Variants in TENM3 observed in about 807,000 individuals in gnomAD.
The protein encoded by TENM3 is teneurin transmembrane protein 3, also known as teneurin-3.
TENM3 carries 63 observed loss-of-function variants against 255.1 expected under a neutral mutation model. The ratio of observed to expected loss-of-function variants is 0.25; its 90% confidence interval spans 0.20 to 0.30. The LOEUF (loss-of-function observed/expected upper bound fraction) is 0.30, where lower values mean the gene tolerates loss of function less well. Among genes scored for constraint, TENM3 ranks in the 10% least tolerant of loss-of-function variants. The probability of loss-of-function intolerance (pLI) is 1.00; values close to 1 mark genes in which losing one functional copy is unlikely to be tolerated. For synonymous variants in TENM3, 1,306 were observed against 1,322.3 expected, an observed-to-expected ratio of 0.99 and a Z score of 0.27; for missense variants, 2,929 against 3,461.1, an observed-to-expected ratio of 0.85 and a Z score of 3.86.
the TENM3 span, among the ~76,000 whole-genome samples, chr4:182,124,088 G>A: frequency 4.5e-4 from 69 of 152,250 alleles, no homozygotes; most frequent in Middle Eastern, 3.4e-3. Context: ...GTCTCACTCC[G>A]TTATCCAGGC....
the TENM3 span, among the ~76,000 whole-genome samples, chr4:181,770,403 G>A: frequency 1.4e-4 from 22 of 152,212 alleles, 1 homozygote; most frequent in East Asian, 2.3e-3. Flanking sequence ...GGCCGGGCGT[G>A]GTGGCTCACG....
the TENM3 span, among the ~76,000 whole-genome samples, chr4:181,958,779 C>A: frequency 0.13 from 20,236 of 152,122 alleles, 1,420 homozygotes; most frequent in East Asian, 0.17. Flanking sequence ...AAGCCAGTGA[C>A]AGTCTCCCCT....
intron 3 of TENM3, among the ~76,000 whole-genome samples, chr4:182,386,458 C>A (rs995381110): frequency 6.6e-6 from 1 of 152,242 alleles, no homozygotes; most frequent in African/African-American, 2.4e-5. Context: ...CCCACTTTGG[C>A]GGCACTTGAG....
At chr4:182,100,824 T>C in the TENM3 span, among the ~76,000 whole-genome samples, 10 of 6,084 alleles carry the variant, frequency 1.6e-3, no homozygotes, top group South Asian at 0.02. Flanking sequence ...TATATACACA[T>C]ATATATATAT....
the TENM3 span, among the ~76,000 whole-genome samples, chr4:181,675,122 G>A: frequency 2.0e-5 from 3 of 152,026 alleles, no homozygotes; most frequent in Admixed American, 6.6e-5. Flanking sequence ...GCCTGAATCC[G>A]GGTATATTAG....
At chr4:182,282,437 TTTC>T (rs1561278065) in intron 1 of TENM3, among the ~76,000 whole-genome samples, 1 of 152,332 alleles carries the variant, frequency 6.6e-6, no homozygotes, top group East Asian at 1.9e-4. Flanking sequence ...TTTGCATTAT[TTTC>T]TTCAAGAGTA....
At chr4:182,489,697 A>G (rs560671870) in intron 3 of TENM3, among the ~76,000 whole-genome samples, 66 of 152,140 alleles carry the variant, frequency 4.3e-4, no homozygotes, top group Non-Finnish European at 8.4e-4. Flanking sequence ...TAAAGCTAAC[A>G]GTATGTGCTC....
In TENM3 at chr4:182,195,023, T is replaced by TCACACACA. The variant is rs70954299; in HGVS notation, c.-76+50307_-76+50314dup. ...AAATAAGTGACCAACACAGTCTCTA[T>TCACACACA]CACACACACACACACACACACACAC... On this transcript the variant is annotated intron_variant, in intron 1 of 2. Transcript: ENST00000512480. Among the ~76,000 whole-genome samples, 387 of 147,086 alleles carry TCACACACA rather than the reference T, an allele frequency of 2.6e-3. 4 individuals are homozygous for TCACACACA. Among genetic ancestry groups the TCACACACA allele is most frequent in the African/African-American group, 4.0e-3 (158 of 39,504 alleles).
At chr4:181,913,023 C>T in the TENM3 span, among the ~76,000 whole-genome samples, 4 of 152,028 alleles carry the variant, frequency 2.6e-5, no homozygotes, top group African/African-American at 9.7e-5. Flanking sequence ...ACAAGGGTCA[C>T]ATGTTTGATT....
the TENM3 span, among the ~76,000 whole-genome samples, chr4:181,929,736 C>G: frequency 6.6e-6 from 1 of 152,212 alleles, no homozygotes. Flanking sequence ...ACATTCTTCT[C>G]AGCACCACAT....
At chr4:182,488,851 A>G (rs572932433) in intron 3 of TENM3, among the ~76,000 whole-genome samples, 38 of 152,268 alleles carry the variant, frequency 2.5e-4, no homozygotes, top group Non-Finnish European at 4.0e-4. Context: ...TTCTAGGAGA[A>G]TGCTGGGACA....
chr4:181,451,777 T>A, the TENM3 span, among the ~76,000 whole-genome samples: 3 of 152,218 alleles, frequency 2.0e-5, no homozygotes, highest in Non-Finnish European at 2.9e-5. Flanking sequence ...GATGCATATA[T>A]CCTGAAAAAA....
At chr4:182,353,029 G>C (rs1765283023) in intron 3 of TENM3, among the ~76,000 whole-genome samples, 1 of 152,152 alleles carries the variant, frequency 6.6e-6, no homozygotes, top group African/African-American at 2.4e-5. Context: ...GAAACTGCTA[G>C]CCAGCTATGT....
the TENM3 span, among the ~76,000 whole-genome samples, chr4:181,458,797 C>T: frequency 2.0e-5 from 3 of 151,836 alleles, no homozygotes; most frequent in Non-Finnish European, 2.9e-5. Context: ...TATTCATGCA[C>T]CAATGAATGG....
the TENM3 span, among the ~76,000 whole-genome samples, chr4:181,719,568 C>G: frequency 2.0e-5 from 3 of 152,196 alleles, no homozygotes; most frequent in Non-Finnish European, 4.4e-5. Flanking sequence ...CTTGCGGCCT[C>G]TTTTAGAAGG....
At chr4:182,586,828 C>T (rs892430149) in intron 3 of TENM3, among the ~76,000 whole-genome samples, 3 of 152,042 alleles carry the variant, frequency 2.0e-5, no homozygotes, top group African/African-American at 7.2e-5. Context: ...CAATAAACTA[C>T]AGGTAAGAAA....
At chr4:181,493,578 A>T in the TENM3 span, among the ~76,000 whole-genome samples, 3 of 151,752 alleles carry the variant, frequency 2.0e-5, no homozygotes, top group Non-Finnish European at 4.4e-5. Context: ...AAAACAAACA[A>T]TAACAACAAA....
the TENM3 span, among the ~76,000 whole-genome samples, chr4:182,119,579 C>T: frequency 6.6e-6 from 1 of 152,244 alleles, no homozygotes; most frequent in East Asian, 1.9e-4. Context: ...TCCCTGTGAC[C>T]TCCCTTCTTT....
At chr4:182,111,551 A>G in the TENM3 span, among the ~76,000 whole-genome samples, 1 of 152,180 alleles carries the variant, frequency 6.6e-6, no homozygotes, top group East Asian at 1.9e-4. Flanking sequence ...CGTGCAATGG[A>G]AAGATAATAC....
Sources: allele counts gnomAD v4.1 joint callset (sites outside exome capture counted in the v4.1 genomes callset), GRCh38; gene constraint gnomAD v4.1.1; transcripts MANE v1.5; gene names NCBI Gene and HGNC (gene_info 2026-07-23, HGNC 2026-07-21).